Variants in PDE8B observed in about 807,000 individuals in gnomAD.
PDE8B encodes phosphodiesterase 8B.
PDE8B carries 26 observed loss-of-function variants against 101.3 expected under a neutral mutation model. The ratio of observed to expected loss-of-function variants is 0.26; its 90% CI spans 0.19 to 0.36. PDE8B has a LOEUF of 0.36. PDE8B is among the 10% of genes least tolerant of loss of function. The pLI, the probability that PDE8B is intolerant of heterozygous loss-of-function variation, is 1.00. For synonymous variants in PDE8B, 424 were observed against 429.3 expected (o/e 0.99, Z 0.15); for missense variants, 810 against 1,163.1 (o/e 0.70, Z 4.42).
chr5:77,129,251 A>T, the PDE8B span, among the ~76,000 whole-genome samples: 6 of 152,212 alleles, frequency 3.9e-5, no homozygotes, highest in African/African-American at 1.4e-4. Flanking sequence ...TTAAAAAGTT[A>T]TAGCTACCTG....
chr5:77,326,035 G>A (rs368599684), intron 3 of PDE8B, among the ~76,000 whole-genome samples: 25 of 152,192 alleles, frequency 1.6e-4, no homozygotes, highest in African/African-American at 5.5e-4. Flanking sequence ...CACACAGTTC[G>A]CATTACACAG....
the PDE8B span, among the ~76,000 whole-genome samples, chr5:77,129,174 T>C: frequency 1.7e-4 from 26 of 152,180 alleles, no homozygotes; most frequent in Admixed American, 1.6e-3. Flanking sequence ...TAAAAAAAAA[T>C]CTTCAGTGTG....
chr5:77,215,826 A>G (rs1749565479), intron 1 of PDE8B, among the ~76,000 whole-genome samples: 1 of 152,154 alleles, frequency 6.6e-6, no homozygotes, highest in East Asian at 1.9e-4. Flanking sequence ...TCAACCAGCA[A>G]AGTTGGAGGG....
chr5:77,426,513 G>A lies in PDE8B; in HGVS notation c.2617G>A (p.Asp873Asn), dbSNP rs1348198236. The A allele has an allele frequency of 6.2e-7, 1 of 1,613,464 alleles. No homozygotes were observed. Among genetic ancestry groups the A allele is most frequent in the Non-Finnish European group, 8.5e-7 (1 of 1,179,578 alleles). The change falls in exon 22 of 22, where the codon GAC (aspartate) becomes AAC (asparagine). Residue 873 changes from aspartate (D) to asparagine (N), a missense_variant. By Grantham distance (23) the Asp-to-Asn change is conservative. Transcript: ENST00000264917. The stretch of plus-strand genomic sequence containing the variant: ...CTACAAACACTGGAAGACACTAGAT[G>A]ACCTAAAGTGCAAAAGTTTGAGGCT... ...DNYKHWKTLD[D>N]LKCKSLRLPS...
chr5:77,176,236 C>T, the PDE8B span, among the ~76,000 whole-genome samples: 2 of 152,110 alleles, frequency 1.3e-5, no homozygotes, highest in Admixed American at 6.5e-5. Flanking sequence ...CACGCAGCAC[C>T]GTAGGCAAAG....
At chr5:77,325,506 T>C (rs753435230) in intron 2 of PDE8B, 33 bp from the exon 3 acceptor site, 1 of 1,599,926 alleles carries the variant, frequency 6.3e-7, no homozygotes, top group Non-Finnish European at 8.6e-7. Context: ...GGATGATGAT[T>C]TATTTCAAGA....
At chr5:77,254,251 G>A (rs889450047) in intron 1 of PDE8B, among the ~76,000 whole-genome samples, 6 of 151,768 alleles carry the variant, frequency 4.0e-5, no homozygotes, top group Non-Finnish European at 5.9e-5. Context: ...CTGAGACATC[G>A]TGAATCCCTT....
chr5:77,340,889 C>T (rs998073373), intron 6 of PDE8B, among the ~76,000 whole-genome samples: 4 of 152,100 alleles, frequency 2.6e-5, no homozygotes, highest in African/African-American at 9.7e-5. Context: ...CCTTTTCTCT[C>T]TGGACCTTCG....
At chr5:77,359,682 G>A (rs915613564) in intron 10 of PDE8B, among the ~76,000 whole-genome samples, 3 of 152,180 alleles carry the variant, frequency 2.0e-5, no homozygotes, top group Admixed American at 2.0e-4. Context: ...TGTGAGACCA[G>A]TAATGCCTGC....
chr5:77,407,357 A>T, intron 12 of PDE8B, 24 bp from the exon 13 acceptor site: 1 of 1,607,524 alleles, frequency 6.2e-7, no homozygotes, highest in Non-Finnish European at 8.5e-7. Flanking sequence ...GGAACTGGAC[A>T]CAGCTTTCTT....
chr5:77,101,493 C>T, the PDE8B span, among the ~76,000 whole-genome samples: 1 of 152,162 alleles, frequency 6.6e-6, no homozygotes, highest in Admixed American at 6.5e-5. Context: ...CTCTGCCCAA[C>T]CAAACCTCCT....
chr5:77,254,056 A>G (rs1758615479), intron 1 of PDE8B, among the ~76,000 whole-genome samples: 1 of 152,170 alleles, frequency 6.6e-6, no homozygotes, highest in African/African-American at 2.4e-5. Flanking sequence ...TGTGGAACTA[A>G]TAAGTAGATA....
intron 1 of PDE8B, among the ~76,000 whole-genome samples, chr5:77,293,720 G>C (rs1431917265): frequency 6.6e-6 from 1 of 152,192 alleles, no homozygotes; most frequent in Non-Finnish European, 1.5e-5. Flanking sequence ...TGTTTTTGCA[G>C]TTGTGAATGA....
chr5:77,252,045 T>C (rs1758168621), intron 1 of PDE8B, among the ~76,000 whole-genome samples: 2 of 152,248 alleles, frequency 1.3e-5, no homozygotes, highest in Admixed American at 6.5e-5. Context: ...TTACATGTGC[T>C]CATGAATCTG....
the PDE8B span, chr5:77,114,094 A>G: frequency 3.9e-5 from 6 of 152,336 alleles, no homozygotes; most frequent in East Asian, 1.2e-3. Flanking sequence ...ATTGTGGAAG[A>G]CAGTGTGGTG....
chr5:77,097,725 A>G, the PDE8B span, among the ~76,000 whole-genome samples: 584 of 65,178 alleles, frequency 9.0e-3, 53 homozygotes, highest in African/African-American at 0.021. Flanking sequence ...ATATATATAT[A>G]TATATATACA....
chr5:77,103,071 T>C, the PDE8B span, among the ~76,000 whole-genome samples: 6 of 152,202 alleles, frequency 3.9e-5, 1 homozygote, highest in Admixed American at 3.9e-4. Flanking sequence ...ATCTTGCTCT[T>C]CAGTGACGAA....
the PDE8B span, among the ~76,000 whole-genome samples, chr5:77,155,738 G>A: frequency 6.6e-6 from 1 of 152,148 alleles, no homozygotes; most frequent in Non-Finnish European, 1.5e-5. Flanking sequence ...GCCGATGATG[G>A]TATAGCAATA....
intron 13 of PDE8B, among the ~76,000 whole-genome samples, chr5:77,408,518 G>A (rs990308694): frequency 1.3e-5 from 2 of 152,186 alleles, no homozygotes; most frequent in African/African-American, 4.8e-5. Flanking sequence ...GAAGTTGAGG[G>A]CTGGGAGGTA....
Sources: allele counts gnomAD v4.1 joint callset (sites outside exome capture counted in the v4.1 genomes callset), GRCh38; gene constraint gnomAD v4.1.1; transcripts MANE v1.5; gene names NCBI Gene and HGNC (gene_info 2026-07-23, HGNC 2026-07-21).